The following PHF24 variants were observed in gnomAD, a reference collection of about 807,000 sequenced individuals.
PHF24 encodes the protein PHD finger protein 24.
Under a neutral mutation model 42.6 loss-of-function variants are expected in PHF24, and 25 were observed. The observed-to-expected ratio is 0.59, with a 90% CI of 0.43 to 0.82. The LOEUF is 0.82. Among genes scored for constraint, PHF24 ranks in the 40% least tolerant of loss-of-function variants. The pLI is 0.00. For synonymous variants in PHF24, 185 were observed against 204.8 expected (o/e 0.90, Z 0.83); for missense variants, 470 against 538.1 (o/e 0.87, Z 1.25).
intron 1 of PHF24, among the ~76,000 whole-genome samples, chr9:34,963,164 G>A (rs1390696657): frequency 5.3e-5 from 8 of 151,894 alleles, no homozygotes; most frequent in Non-Finnish European, 1.2e-4. Context: ...TGAGGCACTG[G>A]AATTTCCTAA....
the PHF24 span, among the ~76,000 whole-genome samples, chr9:34,890,515 C>T: frequency 2.0e-5 from 3 of 152,224 alleles, no homozygotes; most frequent in African/African-American, 7.2e-5. Flanking sequence ...TGCTATGGAA[C>T]TAGATCACTT....
upstream of PHF24, among the ~76,000 whole-genome samples, chr9:34,955,453 G>T (rs1826350364): frequency 6.6e-6 from 1 of 152,242 alleles, no homozygotes; most frequent in Admixed American, 6.5e-5. Flanking sequence ...GAGGCAGGGA[G>T]ATCACCTGAG....
At chr9:34,853,531 G>C in the PHF24 span, among the ~76,000 whole-genome samples, 3 of 152,296 alleles carry the variant, frequency 2.0e-5, no homozygotes, top group African/African-American at 7.2e-5. Context: ...AGATTCAATA[G>C]AAATGGCACC....
the PHF24 span, among the ~76,000 whole-genome samples, chr9:34,666,805 G>C: frequency 1.3e-5 from 2 of 152,130 alleles, no homozygotes; most frequent in East Asian, 3.9e-4. Flanking sequence ...AGTTAGCCGG[G>C]CGTGGTGGCA....
At chr9:34,674,036 G>A in the PHF24 span, among the ~76,000 whole-genome samples, 30 of 152,326 alleles carry the variant, frequency 2.0e-4, no homozygotes, top group Non-Finnish European at 2.9e-4. Context: ...GATTACAGGC[G>A]TGAGCCACTG....
chr9:34,784,475 C>T, the PHF24 span, among the ~76,000 whole-genome samples: 1 of 152,150 alleles, frequency 6.6e-6, no homozygotes, highest in Non-Finnish European at 1.5e-5. Flanking sequence ...TTATGTTCAG[C>T]CTCAAACGGT....
intron 1 of PHF24, among the ~76,000 whole-genome samples, chr9:34,961,344 T>C (rs1377928185): frequency 6.6e-6 from 1 of 152,242 alleles, no homozygotes; most frequent in African/African-American, 2.4e-5. Flanking sequence ...TTGCCAGCTT[T>C]GGACCAAGAA....
At chr9:34,677,389 GTTTTTTTTTTTT>G in the PHF24 span, among the ~76,000 whole-genome samples, 8 of 79,776 alleles carry the variant, frequency 1.0e-4, no homozygotes, top group Admixed American at 9.9e-4. Context: ...TTTGTAAACT[GTTTTTTTTTTTT>G]TTTTTTTTTT....
At chr9:34,845,099 A>G in the PHF24 span, among the ~76,000 whole-genome samples, 1 of 152,050 alleles carries the variant, frequency 6.6e-6, no homozygotes, top group Non-Finnish European at 1.5e-5. Flanking sequence ...GTCTTATTTT[A>G]CAGTTCTTGA....
At chr9:34,915,675 C>T in the PHF24 span, among the ~76,000 whole-genome samples, 6 of 152,190 alleles carry the variant, frequency 3.9e-5, no homozygotes, top group South Asian at 2.1e-4. Flanking sequence ...AGGTAAGGAT[C>T]GTCTGGGATA....
the PHF24 span, chr9:34,895,075 T>C: frequency 2.5e-6 from 1 of 398,570 alleles, no homozygotes; most frequent in Non-Finnish European, 4.4e-6. Flanking sequence ...TGTTGGACTC[T>C]TCGGTGACAC....
At chr9:34,825,601 C>T in the PHF24 span, among the ~76,000 whole-genome samples, 3 of 151,958 alleles carry the variant, frequency 2.0e-5, no homozygotes, top group South Asian at 6.2e-4. Context: ...ATGTCTGATG[C>T]AGGGTGTTCA....
the PHF24 span, chr9:34,723,604 T>C: frequency 6.4e-7 from 1 of 1,551,776 alleles, no homozygotes; most frequent in South Asian, 1.2e-5. Flanking sequence ...TAATTTTATT[T>C]CTGAAGCTAG....
At chr9:34,801,956 C>G in the PHF24 span, among the ~76,000 whole-genome samples, 2 of 151,998 alleles carry the variant, frequency 1.3e-5, no homozygotes, top group South Asian at 2.1e-4. Flanking sequence ...ATACCTAATG[C>G]ATGCAGGGCT....
chr9:34,847,271 T>A, the PHF24 span, among the ~76,000 whole-genome samples: 1 of 152,212 alleles, frequency 6.6e-6, no homozygotes, highest in Non-Finnish European at 1.5e-5. Flanking sequence ...CCTCTTTTAT[T>A]TCGTTGAGCA....
the PHF24 span, among the ~76,000 whole-genome samples, chr9:34,857,432 T>C: frequency 6.6e-6 from 1 of 152,204 alleles, no homozygotes; most frequent in Non-Finnish European, 1.5e-5. Context: ...AAGGCCCTGA[T>C]GGTGTAAGCT....
the PHF24 span, among the ~76,000 whole-genome samples, chr9:34,924,763 A>G: frequency 1.3e-5 from 2 of 152,146 alleles, no homozygotes; most frequent in Non-Finnish European, 2.9e-5. Flanking sequence ...AGTTTAGTCC[A>G]TTTACATTCA....
the PHF24 span, chr9:34,691,079 C>T: frequency 3.1e-6 from 5 of 1,601,544 alleles, no homozygotes; most frequent in African/African-American, 2.7e-5. Flanking sequence ...CTGACTCTCC[C>T]TTCAGCCTTA....
At chr9:34,670,458 C>A in the PHF24 span, among the ~76,000 whole-genome samples, 1 of 152,330 alleles carries the variant, frequency 6.6e-6, no homozygotes, top group African/African-American at 2.4e-5. Context: ...GAGTTGGTAG[C>A]AGAATACTTT....
Sources: allele counts gnomAD v4.1 joint callset (sites outside exome capture counted in the v4.1 genomes callset), GRCh38; gene constraint gnomAD v4.1.1; transcripts MANE v1.5; gene names NCBI Gene and HGNC (gene_info 2026-07-23, HGNC 2026-07-21).